The following SENP7 variants were observed in gnomAD, a reference collection of about 807,000 sequenced individuals.
SENP7 encodes the protein SUMO specific peptidase 7.
SENP7 carries 64 observed loss-of-function variants against 141.2 expected under a neutral mutation model. That is an observed-to-expected ratio of 0.45 (90% CI 0.37 to 0.56). The LOEUF is 0.56. SENP7 is among the 20% of genes least tolerant of loss of function. The pLI, the probability that SENP7 is intolerant of heterozygous loss-of-function variation, is 0.00. For missense variants in SENP7, 1,025 were observed against 1,212.2 expected (o/e 0.85, Z 2.29); for synonymous variants, 382 against 426.4 (o/e 0.90, Z 1.28).
intron 5 of SENP7, among the ~76,000 whole-genome samples, chr3:101,415,318 T>C (rs1200283668): frequency 1.3e-5 from 2 of 152,150 alleles, no homozygotes; most frequent in East Asian, 1.9e-4. Context: ...CTGGAGACCA[T>C]GCAAAAACAT....
At chr3:101,412,779 A>G (rs1349769561) in intron 5 of SENP7, among the ~76,000 whole-genome samples, 1 of 152,142 alleles carries the variant, frequency 6.6e-6, no homozygotes, top group African/African-American at 2.4e-5. Context: ...AAAGACTTAT[A>G]GATGTCTGGA....
In SENP7 at chr3:101,342,166, T is replaced by C. The variant is rs187332667; in HGVS notation, c.2107-387A>G. 1.6e-4 allele frequency among the ~76,000 whole-genome samples: 25 copies of C among 152,160 alleles called. No individual in the cohort carries two copies. In the East Asian group the frequency reaches 3.7e-3, roughly 22 times the overall value. ...TAAACAATATAATTAGGATGCAAAA[T>C]ATTGACAACATTATACATAAAGAAA... is the stretch of plus-strand genomic sequence containing the variant. On this transcript the variant is annotated intron_variant, in intron 14 of 23. Transcript: ENST00000394095.
intron 6 of SENP7, among the ~76,000 whole-genome samples, chr3:101,372,712 T>C (rs1161067022): frequency 1.3e-5 from 2 of 151,968 alleles, no homozygotes; most frequent in African/African-American, 2.4e-5. Flanking sequence ...TGCATACATA[T>C]GAAACAAAAT....
intron 1 of SENP7, among the ~76,000 whole-genome samples, chr3:101,502,805 A>C (rs1044309179): frequency 2.0e-5 from 3 of 151,814 alleles, no homozygotes; most frequent in African/African-American, 7.3e-5. Context: ...AGTTCCAGCT[A>C]CTCAGGAGGC....
At chr3:101,454,614 A>G (rs549876593) in intron 4 of SENP7, among the ~76,000 whole-genome samples, 1 of 152,370 alleles carries the variant, frequency 6.6e-6, no homozygotes, top group East Asian at 1.9e-4. Flanking sequence ...ATAGCTAAGA[A>G]GTGGAAACAA....
chr3:101,424,655 G>A (rs770328325), intron 4 of SENP7, among the ~76,000 whole-genome samples: 1 of 151,812 alleles, frequency 6.6e-6, no homozygotes, highest in Non-Finnish European at 1.5e-5. Context: ...CACCACACCC[G>A]TGCCAACATC....
intron 3 of SENP7, among the ~76,000 whole-genome samples, chr3:101,492,148 A>C (rs141375836): frequency 6.6e-6 from 1 of 152,154 alleles, no homozygotes; most frequent in Non-Finnish European, 1.5e-5. Context: ...CTGTAAACCC[A>C]GCGCTTCAGG....
At chr3:101,415,500 C>A (rs183997421) in intron 5 of SENP7, among the ~76,000 whole-genome samples, 43 of 152,216 alleles carry the variant, frequency 2.8e-4, no homozygotes, top group Middle Eastern at 3.4e-3. Flanking sequence ...AAAAGAGGAG[C>A]AGTTGGCTAC....
At chr3:101,406,162 T>C (rs1170547678) in intron 5 of SENP7, among the ~76,000 whole-genome samples, 1 of 152,126 alleles carries the variant, frequency 6.6e-6, no homozygotes, top group Admixed American at 6.5e-5. Flanking sequence ...CTATTCACAA[T>C]AGCAAAGACT....
intron 11 of SENP7, among the ~76,000 whole-genome samples, chr3:101,353,646 AG>A (rs1462293615): frequency 6.6e-6 from 1 of 152,100 alleles, no homozygotes; most frequent in African/African-American, 2.4e-5. Flanking sequence ...AATAGCTAAT[AG>A]TTATCTGAAT....
At chr3:101,487,046 G>T (rs568600000) in intron 3 of SENP7, among the ~76,000 whole-genome samples, 2 of 152,222 alleles carry the variant, frequency 1.3e-5, no homozygotes, top group South Asian at 4.1e-4. Flanking sequence ...ATGGTAAAAG[G>T]CTTTGTCCAA....
chr3:101,433,867 C>G (rs938606369), intron 4 of SENP7, among the ~76,000 whole-genome samples: 7 of 151,998 alleles, frequency 4.6e-5, no homozygotes, highest in Admixed American at 1.3e-4. Context: ...ATCTTCCAGA[C>G]AGAAAATCAA....
chr3:101,366,433 G>T lies in SENP7; in HGVS notation c.1315C>A (p.Pro439Thr), dbSNP rs1423567305. The T allele has an allele frequency of 1.3e-6, 2 of 1,582,662 alleles. No homozygotes were observed. Among genetic ancestry groups the T allele is most frequent in the African/African-American group, 1.4e-5 (1 of 74,034 alleles). The change falls in exon 9 of 24, where the codon CCA (proline) becomes ACA (threonine). Residue 439 changes from proline to threonine, a missense_variant. Around this residue, in one of 4 missense-constraint regions of SENP7, gnomAD observed 496 missense variants for 503.5 expected, o/e 0.99. Coordinates refer to ENST00000394095, the MANE Select transcript of SENP7 (RefSeq NM_020654.5). ...TTATAATCCTCCTGTCACTTACTTG[G>T]TTCAGCTGAGATCAGTGATTGGTTC... ...EGNQSLISAE[P>T]IVVSSDEEGP...
chr3:101,394,067 T>C (rs1472359974), intron 6 of SENP7, among the ~76,000 whole-genome samples: 2 of 152,186 alleles, frequency 1.3e-5, no homozygotes, highest in African/African-American at 2.4e-5. Context: ...TCTAACTATA[T>C]AGTAGCCATT....
intron 3 of SENP7, among the ~76,000 whole-genome samples, chr3:101,471,859 C>A (rs1273577859): frequency 6.6e-6 from 1 of 152,164 alleles, no homozygotes; most frequent in Non-Finnish European, 1.5e-5. Flanking sequence ...ACAGACACTT[C>A]TCAAAAGAAG....
chr3:101,470,705 C>T (rs1169477188), intron 3 of SENP7, among the ~76,000 whole-genome samples: 5 of 152,182 alleles, frequency 3.3e-5, no homozygotes, highest in African/African-American at 7.2e-5. Flanking sequence ...ATGAGGAAGT[C>T]AAATTGTCCC....
At chr3:101,454,891 G>C (rs146870059) in intron 4 of SENP7, among the ~76,000 whole-genome samples, 2 of 152,200 alleles carry the variant, frequency 1.3e-5, no homozygotes, top group East Asian at 3.9e-4. Flanking sequence ...AGCATGATGG[G>C]ATGTTCTAAA....
intron 6 of SENP7, among the ~76,000 whole-genome samples, chr3:101,380,445 C>CCACACACACA (rs1553707805): frequency 2.3e-5 from 3 of 128,826 alleles, no homozygotes; most frequent in South Asian, 2.7e-4. Context: ...GCCCCCCCCC[C>CCACACACACA]CACACACACA....
At chr3:101,507,992 T>C (rs2108205069) in intron 1 of SENP7, among the ~76,000 whole-genome samples, 1 of 135,134 alleles carries the variant, frequency 7.4e-6, no homozygotes, top group African/African-American at 2.9e-5. Context: ...GAGGTCGCAG[T>C]GAGCTGAGAT....
Sources: allele counts gnomAD v4.1 joint callset (sites outside exome capture counted in the v4.1 genomes callset), GRCh38; gene constraint gnomAD v4.1.1; regional missense constraint gnomAD v4.1.1; transcripts MANE v1.5; gene names NCBI Gene and HGNC (gene_info 2026-07-23, HGNC 2026-07-21).